The following APBB2 variants were observed in gnomAD, a reference collection of about 807,000 sequenced individuals.
APBB2 encodes the protein Fe65-like 1.
APBB2 carries 38 observed loss-of-function variants against 82.5 expected under a neutral mutation model. The ratio of observed to expected loss-of-function variants is 0.46; its 90% CI spans 0.36 to 0.60. The LOEUF is 0.60. APBB2 is among the 20% of genes least tolerant of loss of function. The pLI, the probability that APBB2 is intolerant of heterozygous loss-of-function variation, is 0.00. For missense variants in APBB2, 772 were observed against 972.3 expected, an observed-to-expected ratio of 0.79 and a Z score of 2.74; for synonymous variants, 341 against 368.2, an observed-to-expected ratio of 0.93 and a Z score of 0.85.
chr4:41,210,107 G>A (rs1382368954), intron 1 of APBB2, among the ~76,000 whole-genome samples: 1 of 152,208 alleles, frequency 6.6e-6, no homozygotes, highest in Non-Finnish European at 1.5e-5. Context: ...CAGAGGTGGA[G>A]CTCAGGTGGT....
At chr4:40,842,330 G>C (rs1756097140) in intron 12 of APBB2, 2 of 454,848 alleles carry the variant, frequency 4.4e-6, no homozygotes, top group Non-Finnish European at 8.8e-6. Context: ...GACACGTTAA[G>C]ACACCACGAA....
chr4:40,997,194 T>C (rs1370678473), intron 6 of APBB2, among the ~76,000 whole-genome samples: 1 of 152,156 alleles, frequency 6.6e-6, no homozygotes, highest in Non-Finnish European at 1.5e-5. Flanking sequence ...GTTTAGTGTG[T>C]CGGGGAGATG....
chr4:40,843,268 A>G (rs1360354014), intron 12 of APBB2, among the ~76,000 whole-genome samples: 2 of 152,244 alleles, frequency 1.3e-5, no homozygotes, highest in African/African-American at 4.8e-5. Context: ...GGCCAGGGTC[A>G]TGGAGCGGCC....
intron 1 of APBB2, among the ~76,000 whole-genome samples, chr4:41,178,414 C>T (rs887855824): frequency 2.0e-5 from 3 of 152,096 alleles, no homozygotes; most frequent in African/African-American, 7.2e-5. Context: ...CCTCCGGTAC[C>T]CTGTACTTTA....
intron 1 of APBB2, among the ~76,000 whole-genome samples, chr4:41,201,949 C>T (rs1162247685): frequency 6.6e-6 from 1 of 152,172 alleles, no homozygotes; most frequent in Non-Finnish European, 1.5e-5. Flanking sequence ...AGGTGAGTGG[C>T]GTCTATACCC....
chr4:41,203,180 T>G (rs1277040990), intron 1 of APBB2, among the ~76,000 whole-genome samples: 1 of 150,844 alleles, frequency 6.6e-6, no homozygotes, highest in Non-Finnish European at 1.5e-5. Context: ...TTATTTCTAC[T>G]TGCAGCTTGT....
At chr4:41,027,711 TACTATGTATACCAAGGCCA>T (rs1715014132) in intron 5 of APBB2, among the ~76,000 whole-genome samples, 1 of 152,210 alleles carries the variant, frequency 6.6e-6, no homozygotes, top group Admixed American at 6.5e-5. Flanking sequence ...ACCAAGAGCC[TACTATGTATACCAAGGCCA>T]AGAACACAGC....
chr4:41,169,479 A>G (rs1767657570), intron 1 of APBB2, among the ~76,000 whole-genome samples: 1 of 152,194 alleles, frequency 6.6e-6, no homozygotes, highest in African/African-American at 2.4e-5. Context: ...TCTTTGTTCC[A>G]CCCATTTCAG....
At chr4:41,115,957 A>AT (rs750067702) in intron 2 of APBB2, among the ~76,000 whole-genome samples, 35 of 152,332 alleles carry the variant, frequency 2.3e-4, no homozygotes, top group Non-Finnish European at 4.3e-4. Context: ...CAGCAACCCC[A>AT]TTACTGGGTA....
intron 3 of APBB2, among the ~76,000 whole-genome samples, chr4:41,079,208 G>A (rs1489447963): frequency 6.6e-6 from 1 of 152,174 alleles, no homozygotes; most frequent in African/African-American, 2.4e-5. Context: ...CTATGAATCT[G>A]GCTGTGCAGT....
Position 41,033,245 on chromosome 4 carries a change from C to T in APBB2, c.10G>A (p.Val4Ile), listed in dbSNP as rs1335763162. 3 of 1,593,900 alleles carry T rather than the reference C, an allele frequency of 1.9e-6. No homozygotes were observed. Among genetic ancestry groups the T allele is most frequent in the Non-Finnish European group, 2.6e-6 (3 of 1,164,374 alleles). Residue 4 changes from valine to isoleucine, a missense_variant, in exon 5 of 18, where the codon GTA (valine) becomes ATA (isoleucine). By Grantham distance (29) the Val-to-Ile change is conservative (BLOSUM62 3). Coordinates refer to ENST00000508593, the MANE Select transcript of APBB2 (RefSeq NM_004307.2). ...AGAAAATGTATCTGACCTGGAAGTACTTCTGACATGGATCACCAGGCGTCA... is the reference window on the plus strand; with the variant it reads ...AGAAAATGTATCTGACCTGGAAGTATTTCTGACATGGATCACCAGGCGTCA... MSEVLPADSGVDTL... is the reference protein window; with the variant it reads MSEILPADSGVDTL...
chr4:41,122,406 T>G (rs1753112897), intron 2 of APBB2, among the ~76,000 whole-genome samples: 1 of 152,192 alleles, frequency 6.6e-6, no homozygotes, highest in Non-Finnish European at 1.5e-5. Flanking sequence ...CCCTCTGTTC[T>G]TCAATCCATT....
intron 1 of APBB2, among the ~76,000 whole-genome samples, chr4:41,188,487 A>G (rs929352767): frequency 1.3e-5 from 2 of 152,146 alleles, no homozygotes; most frequent in Non-Finnish European, 2.9e-5. Flanking sequence ...TGCCCTTATA[A>G]AAGATCCTCT....
chr4:41,037,877 G>A (rs987198512), intron 4 of APBB2, among the ~76,000 whole-genome samples: 14 of 152,096 alleles, frequency 9.2e-5, no homozygotes, highest in African/African-American at 3.1e-4. Context: ...ATTAGCCAGT[G>A]TGCTGCATGC....
At chr4:40,882,833 G>T (rs1241393263) in intron 12 of APBB2, among the ~76,000 whole-genome samples, 1 of 152,206 alleles carries the variant, frequency 6.6e-6, no homozygotes, top group Non-Finnish European at 1.5e-5. Context: ...CACTGCGTCG[G>T]AACGTTAGCT....
At chr4:40,923,338 A>G (rs1334326914) in intron 10 of APBB2, among the ~76,000 whole-genome samples, 1 of 152,242 alleles carries the variant, frequency 6.6e-6, no homozygotes. Flanking sequence ...TCTAAATACC[A>G]GTATCTGGCA....
At chr4:40,880,980 C>G (rs771155021) in intron 12 of APBB2, 9 of 985,292 alleles carry the variant, frequency 9.1e-6, no homozygotes, top group Non-Finnish European at 1.1e-5. Flanking sequence ...CTCCCACTTT[C>G]CTCTAAGGGA....
chr4:41,013,946 T>C lies in APBB2; in HGVS notation c.472A>G (p.Thr158Ala), dbSNP rs376946401. ...CEILPSQPRR[T>A]KSFLNYYADL... The stretch of plus-strand genomic sequence containing the variant: ...GCATAGTAATTTAGGAAGCTCTTAG[T>C]TCTCCTGGGCTGGGAGGGTAAAATC... The change falls in exon 6 of 18, where the codon ACT (threonine) becomes GCT (alanine). Residue 158 changes from threonine to alanine, a missense_variant. Transcript: ENST00000508593. The C allele has an allele frequency of 8.7e-6, 14 of 1,614,104 alleles. No individual in the cohort carries two copies. The African/African-American group carries it at 1.2e-4, about 14-fold the overall frequency.
chr4:41,180,999 G>A (rs1771180488), intron 1 of APBB2, among the ~76,000 whole-genome samples: 1 of 151,974 alleles, frequency 6.6e-6, no homozygotes, highest in African/African-American at 2.4e-5. Context: ...TAACAGAATA[G>A]GTGCTCTCTT....
Sources: allele counts gnomAD v4.1 joint callset (sites outside exome capture counted in the v4.1 genomes callset), GRCh38; gene constraint gnomAD v4.1.1; transcripts MANE v1.5; gene names NCBI Gene and HGNC (gene_info 2026-07-23, HGNC 2026-07-21).